Variants in SGCD observed in about 807,000 individuals in gnomAD.
SGCD encodes the protein sarcoglycan delta.
A neutral mutation model predicts 36.6 loss-of-function variants in SGCD; 18 were observed. The observed-to-expected ratio is 0.49, with a 90% CI of 0.34 to 0.73. The LOEUF (loss-of-function observed/expected upper bound fraction) is 0.73. SGCD is among the 30% of genes least tolerant of loss of function. SGCD has a pLI of 0.01. For synonymous variants in SGCD, 133 were observed against 130.6 expected, an observed-to-expected ratio of 1.02 and a Z score of -0.12; for missense variants, 387 against 346.7, an observed-to-expected ratio of 1.12 and a Z score of -0.92.
chr5:155,792,434 A>C, the SGCD span, among the ~76,000 whole-genome samples: 1 of 7,622 alleles, frequency 1.3e-4, no homozygotes, highest in Non-Finnish European at 3.9e-4. Context: ...TCTACATAGC[A>C]AAAAAAAAAA....
At chr5:155,881,913 A>T (rs772468199) in intron 1 of SGCD, among the ~76,000 whole-genome samples, 46 of 152,116 alleles carry the variant, frequency 3.0e-4, no homozygotes, top group Non-Finnish European at 5.4e-4. Context: ...TTATCATGAG[A>T]CTGCAGCAAG....
chr5:156,758,337 A>C lies in SGCD; in HGVS notation c.699+633A>C, dbSNP rs183540781. 1.0e-3 allele frequency among the ~76,000 whole-genome samples: 156 copies of C among 152,258 alleles called. 1 individual carries two copies. The highest frequency in any genetic ancestry group is 2.9e-3 in the African/African-American group (121 of 41,564). ...TGTAAACTTTTAAAAATGCCTTCAA[A>C]GTGCTCATAAGTGAACTTTGCTATT... On this transcript the variant is annotated intron_variant, in intron 8 of 8. Transcript: ENST00000337851.
the SGCD span, among the ~76,000 whole-genome samples, chr5:155,860,220 C>A: frequency 2.0e-5 from 3 of 152,234 alleles, no homozygotes; most frequent in Non-Finnish European, 4.4e-5. Flanking sequence ...TGACTCAGAA[C>A]ATCACACAAG....
chr5:156,649,644 A>G (rs1763378285), intron 7 of SGCD, among the ~76,000 whole-genome samples: 1 of 144,870 alleles, frequency 6.9e-6, no homozygotes, highest in African/African-American at 2.5e-5. Flanking sequence ...TCTCACTCAT[A>G]GGTGGGAATT....
At chr5:156,005,214 C>T (rs934377802) in intron 1 of SGCD, among the ~76,000 whole-genome samples, 1 of 152,096 alleles carries the variant, frequency 6.6e-6, no homozygotes, top group Non-Finnish European at 1.5e-5. Context: ...AGAAGGATCC[C>T]GATACTCTCT....
chr5:156,164,024 A>T lies in SGCD; in HGVS notation c.-44+40005A>T, dbSNP rs1179086975. On this transcript the variant is annotated intron_variant, in intron 3 of 9. Coordinates refer to the SGCD transcript ENST00000517913. ...GGCGACAGAGCGAGACTCTGTCTCA[A>T]AAAAAAAAAAAAAAAAAGAAATCAT... is the stretch of plus-strand genomic sequence containing the variant. Among the ~76,000 whole-genome samples the T allele has an allele frequency of 4.3e-5, 6 of 138,606 alleles. No individual in the cohort carries two copies. In the East Asian group the frequency reaches 1.3e-3, roughly 30 times the overall value. 90.9% of individuals were successfully genotyped at this position (138,606 alleles called of 152,430 possible).
chr5:156,182,099 A>T (rs1763624143), intron 3 of SGCD, among the ~76,000 whole-genome samples: 1 of 152,326 alleles, frequency 6.6e-6, no homozygotes, highest in Non-Finnish European at 1.5e-5. Context: ...ATGCAGTCCT[A>T]ACTAAAATCC....
intron 3 of SGCD, among the ~76,000 whole-genome samples, chr5:156,318,376 A>G (rs1013191473): frequency 1.3e-5 from 2 of 152,174 alleles, no homozygotes; most frequent in Non-Finnish European, 2.9e-5. Flanking sequence ...TGTCAGTGGT[A>G]CTAGAGACAG....
intron 2 of SGCD, among the ~76,000 whole-genome samples, chr5:156,338,771 G>A (rs1768491708): frequency 6.6e-6 from 1 of 152,120 alleles, no homozygotes. Context: ...GCTACTGGAG[G>A]TGGCTGCATG....
intron 6 of SGCD, among the ~76,000 whole-genome samples, chr5:156,597,456 C>T (rs1760972339): frequency 6.6e-6 from 1 of 152,186 alleles, no homozygotes; most frequent in African/African-American, 2.4e-5. Flanking sequence ...AGAGCACATG[C>T]AGGAAAACTG....
chr5:156,025,518 C>G (rs1759209011), intron 1 of SGCD, among the ~76,000 whole-genome samples: 1 of 152,176 alleles, frequency 6.6e-6, no homozygotes, highest in South Asian at 2.1e-4. Context: ...CAAGATGGGT[C>G]CATCCTTTGC....
chr5:155,866,620 C>G (rs924094760), upstream of SGCD, among the ~76,000 whole-genome samples: 2 of 152,198 alleles, frequency 1.3e-5, no homozygotes, highest in African/African-American at 4.8e-5. Flanking sequence ...ACAACTGCTG[C>G]TGCTGCTAGT....
the SGCD span, among the ~76,000 whole-genome samples, chr5:155,789,138 A>G: frequency 3.3e-5 from 5 of 152,164 alleles, no homozygotes; most frequent in Non-Finnish European, 5.9e-5. Context: ...GCTGGAGACC[A>G]GGGAGTTATG....
At chr5:156,498,507 A>C (rs367555219) in intron 3 of SGCD, among the ~76,000 whole-genome samples, 1 of 152,202 alleles carries the variant, frequency 6.6e-6, no homozygotes, top group South Asian at 2.1e-4. Flanking sequence ...CAATACATGA[A>C]TGAGATCATG....
chr5:155,972,424 T>C (rs913134958), intron 1 of SGCD, among the ~76,000 whole-genome samples: 1 of 152,166 alleles, frequency 6.6e-6, no homozygotes, highest in Admixed American at 6.6e-5. Flanking sequence ...TCCATACTGG[T>C]ATATCTACAT....
intron 3 of SGCD, among the ~76,000 whole-genome samples, chr5:156,215,308 G>A (rs1764543683): frequency 6.6e-6 from 1 of 151,928 alleles, no homozygotes; most frequent in Admixed American, 6.6e-5. Context: ...CCAAAGCACA[G>A]GCCAAAAGGT....
intron 1 of SGCD, among the ~76,000 whole-genome samples, chr5:156,061,812 C>T (rs1209488341): frequency 6.9e-6 from 1 of 143,886 alleles, no homozygotes; most frequent in Non-Finnish European, 1.6e-5. Context: ...AGTTTGGGGA[C>T]ATGTGTTGGA....
chr5:156,076,483 A>G (rs1260760214), intron 1 of SGCD, among the ~76,000 whole-genome samples: 2 of 152,178 alleles, frequency 1.3e-5, no homozygotes, highest in African/African-American at 4.8e-5. Context: ...AAGAATTTCT[A>G]AGGCATGTGG....
intron 3 of SGCD, among the ~76,000 whole-genome samples, chr5:156,130,728 C>A (rs960427346): frequency 4.0e-5 from 6 of 149,048 alleles, no homozygotes; most frequent in African/African-American, 1.5e-4. Context: ...TTCTTTCTTT[C>A]TTTTTTTTTT....
Sources: gnomAD v4.1 joint callset for allele counts (sites outside exome capture counted in the v4.1 genomes callset) on GRCh38, gnomAD v4.1.1 for gene constraint, MANE v1.5 for transcripts, NCBI Gene and HGNC (gene_info 2026-07-23, HGNC 2026-07-21) for gene names.